The following ABCC2 variants were observed in gnomAD, a reference collection of about 807,000 sequenced individuals.
The protein encoded by ABCC2 is ATP binding cassette subfamily C member 2, also known as ATP-binding cassette sub-family C member 2.
A neutral mutation model predicts 173.4 loss-of-function variants in ABCC2; 157 were observed. The observed-to-expected ratio is 0.91, with a 90% CI of 0.80 to 1.03. The LOEUF (loss-of-function observed/expected upper bound fraction) is 1.03, where lower values mean the gene tolerates loss of function less well. Ranked by LOEUF, ABCC2 falls within the 50% of genes least tolerant of loss-of-function variation. The pLI, the probability that ABCC2 is intolerant of heterozygous loss-of-function variation, is 0.00. For synonymous variants in ABCC2, 657 were observed against 693.5 expected (o/e 0.95, Z 0.83); for missense variants, 1,822 against 1,852.3 (o/e 0.98, Z 0.30).
chr10:99,797,073 G>T (rs1230113294), intron 6 of ABCC2, 24 bp from the exon 7 acceptor site: 2 of 1,610,766 alleles, frequency 1.2e-6, no homozygotes, highest in Non-Finnish European at 1.7e-6. Flanking sequence ...GGGGGTCTCA[G>T]CCTGTGGTTC....
chr10:99,823,181 G>A (rs1212163986), intron 19 of ABCC2, among the ~76,000 whole-genome samples: 1 of 152,184 alleles, frequency 6.6e-6, no homozygotes, highest in Non-Finnish European at 1.5e-5. Flanking sequence ...GACACTGGGT[G>A]CAATGTTGTA....
intron 23 of ABCC2, among the ~76,000 whole-genome samples, chr10:99,833,809 C>T (rs1461067459): frequency 2.6e-5 from 4 of 152,182 alleles, no homozygotes; most frequent in Middle Eastern, 3.2e-3. Context: ...ATAATCCCCA[C>T]AAATTTAGGC....
At chr10:99,817,667 A>G (rs189294234) in intron 17 of ABCC2, among the ~76,000 whole-genome samples, 183 bp downstream of exon 17, 1 of 152,328 alleles carries the variant, frequency 6.6e-6, no homozygotes, top group East Asian at 1.9e-4. Flanking sequence ...AATAACTCAG[A>G]ATTTCAAACT....
At chr10:99,813,259 C>A in intron 16 of ABCC2, 115 bp downstream of exon 16, 1 of 1,360,262 alleles carries the variant, frequency 7.4e-7, no homozygotes, top group Non-Finnish European at 1.0e-6. Context: ...TGGAGACATC[C>A]GATAGATTTG....
intron 2 of ABCC2, among the ~76,000 whole-genome samples, chr10:99,791,928 C>G (rs537013829): frequency 6.6e-6 from 1 of 152,326 alleles, no homozygotes; most frequent in East Asian, 1.9e-4. Flanking sequence ...AAGTACATCC[C>G]TAAGTCCCCA....
rs1564683644 is a variant in ABCC2, at chr10:99,814,208, CACA to C, written c.2094+1065_2094+1067del. On this transcript the variant is annotated intron_variant, in intron 16 of 31. Transcript: ENST00000647814. Reference sequence around the variant, plus strand: ...GTATACACACATGTGTATATATACACACATGTGTATATATACACACATGTGTAT... The same window carrying C: ...GTATACACACATGTGTATATATACACTGTGTATATATACACACATGTGTAT... Among the ~76,000 whole-genome samples, 26 of 72,786 alleles carry C rather than the reference CACA, an allele frequency of 3.6e-4. 2 individuals carry two copies. The highest frequency in any genetic ancestry group is 1.1e-3 in the African/African-American group (20 of 18,892). The allele number at this position is 72,786 out of a possible 152,430, so 47.8% of individuals were successfully genotyped here. A position where few individuals can be genotyped will look rare whatever the true frequency, so the allele number is the denominator to read the frequency against.
At chr10:99,787,606 T>A (rs770036250) in intron 2 of ABCC2, among the ~76,000 whole-genome samples, 5 of 152,264 alleles carry the variant, frequency 3.3e-5, no homozygotes, top group Non-Finnish European at 5.9e-5. Flanking sequence ...ACTGAGTTGC[T>A]TTGCATTTTT....
rs771649861 is a variant in ABCC2, at chr10:99,819,104, A to G, written c.2455A>G (p.Thr819Ala). Residue 819 changes from threonine (T) to alanine (A), a missense_variant, in exon 19 of 32, where the codon ACA (threonine) becomes GCA (alanine). By Grantham distance (58) the Thr-to-Ala change is moderately conservative. Coordinates refer to ENST00000647814, the MANE Select transcript of ABCC2 (RefSeq NM_000392.5). ...ATTTTTATAGACTCGACTCTTGGTT[A>G]CACATAGCATGCACTTTCTTCCTCA... The part of the protein sequence containing the change: ...LLKGKTRLLV[T>A]HSMHFLPQVD... 5 of 1,614,180 alleles carry G rather than the reference A, an allele frequency of 3.1e-6. No individual in the cohort carries two copies. In the South Asian group the frequency reaches 3.3e-5, roughly 11 times the overall value.
chr10:99,849,204 T>C (rs2039057221), intron 30 of ABCC2, among the ~76,000 whole-genome samples: 1 of 152,212 alleles, frequency 6.6e-6, no homozygotes, highest in South Asian at 2.1e-4. Flanking sequence ...CACTCCAGCC[T>C]GGGAGACAAG....
At position 99,782,759 on chromosome 10, in the gene ABCC2, C is replaced by A; in HGVS notation, c.-86C>A. 1 of 1,446,902 alleles carries A rather than the reference C, an allele frequency of 6.9e-7. No homozygotes were observed. The highest frequency in any genetic ancestry group is 1.1e-5 in the South Asian group (1 of 87,286). The allele number at this position is 1,446,902 out of a possible 1,614,324, so 89.6% of individuals were successfully genotyped here. A position where few individuals can be genotyped will look rare whatever the true frequency, so the allele number is the denominator to read the frequency against. Reference sequence around the variant, plus strand: ...ATCAGAATGGTAGATAATTCCTGTTCCACTTTCTTTGATGAAACAAGTAAA... The same window carrying A: ...ATCAGAATGGTAGATAATTCCTGTTACACTTTCTTTGATGAAACAAGTAAA... On this transcript the variant is annotated 5_prime_UTR_variant, in exon 1 of 32. Transcript: ENST00000647814.
intron 9 of ABCC2, among the ~76,000 whole-genome samples, chr10:99,800,896 A>G (rs1432867439): frequency 1.3e-5 from 2 of 152,298 alleles, no homozygotes; most frequent in East Asian, 3.9e-4. Flanking sequence ...GCCTTGGAAA[A>G]GAATATAAGG....
chr10:99,840,384 C>T (rs1447697915), intron 25 of ABCC2, among the ~76,000 whole-genome samples: 24 of 144,904 alleles, frequency 1.7e-4, no homozygotes, highest in South Asian at 2.2e-4. Flanking sequence ...AACCACCAGC[C>T]GCGGCCACCA....
chr10:99,818,171 T>C (rs2038455761), intron 17 of ABCC2, among the ~76,000 whole-genome samples: 1 of 151,400 alleles, frequency 6.6e-6, no homozygotes, highest in Middle Eastern at 3.4e-3. Context: ...TGCAGTGAGC[T>C]GAGATTGCGC....
chr10:99,823,919 T>A (rs201778372), intron 19 of ABCC2, among the ~76,000 whole-genome samples: 416 of 114,246 alleles, frequency 3.6e-3, no homozygotes, highest in East Asian at 6.7e-3. Flanking sequence ...ATGTAGCTAT[T>A]TGATCCAAGT....
chr10:99,784,884 C>T, intron 2 of ABCC2, 103 bp downstream of exon 2: 2 of 1,438,934 alleles, frequency 1.4e-6, no homozygotes, highest in Non-Finnish European at 1.9e-6. Flanking sequence ...GCAGCTGTCC[C>T]AGGTGCCATT....
chr10:99,850,507 T>A, intron 30 of ABCC2, 95 bp from the exon 31 acceptor site: 1 of 1,290,472 alleles, frequency 7.7e-7, no homozygotes, highest in Non-Finnish European at 1.1e-6. Context: ...GGGGGGGTTT[T>A]GAAAGTCTGA....
At position 99,817,466 on chromosome 10, in the gene ABCC2, G is replaced by A; in HGVS notation, c.2253G>A (p.Leu751=). The A allele has an allele frequency of 6.2e-7, 1 of 1,614,108 alleles. No individual in the cohort carries two copies. The highest frequency in any genetic ancestry group is 8.5e-7 in the Non-Finnish European group (1 of 1,180,024). The change falls in exon 17 of 32, where the codon TTG becomes TTA. Residue 751 remains leucine (L), a synonymous_variant. Transcript: ENST00000647814. ...PDLEMLPGGD[L]AEIGEKGINL... ...TGGAAATGCTGCCTGGAGGAGATTTGGCTGAGATTGGAGAGAAGGTACTTG... is the reference window on the plus strand; with the variant it reads ...TGGAAATGCTGCCTGGAGGAGATTTAGCTGAGATTGGAGAGAAGGTACTTG...
intron 9 of ABCC2, among the ~76,000 whole-genome samples, chr10:99,801,273 A>G (rs1590151411): frequency 6.6e-6 from 1 of 152,012 alleles, no homozygotes; most frequent in Non-Finnish European, 1.5e-5. Context: ...GTCTCGCTCT[A>G]TCACCGAGGC....
intron 13 of ABCC2, among the ~76,000 whole-genome samples, chr10:99,808,730 G>A (rs1416190811): frequency 6.6e-6 from 1 of 152,138 alleles, no homozygotes; most frequent in Non-Finnish European, 1.5e-5. Context: ...GGAATACCTG[G>A]GTTCTGAAAA....
Sources: allele counts gnomAD v4.1 joint callset (sites outside exome capture counted in the v4.1 genomes callset), GRCh38; gene constraint gnomAD v4.1.1; transcripts MANE v1.5; gene names NCBI Gene and HGNC (gene_info 2026-07-23, HGNC 2026-07-21).